The following TXLNB variants were observed in gnomAD, a reference collection of about 807,000 sequenced individuals.
TXLNB encodes the protein taxilin beta.
In TXLNB, 37 loss-of-function variants were observed where a neutral mutation model predicts 57.4. The ratio of observed to expected loss-of-function variants is 0.64; its 90% CI spans 0.50 to 0.85. TXLNB has a LOEUF of 0.85. Ranked by LOEUF, TXLNB falls within the 40% of genes least tolerant of loss-of-function variation. TXLNB has a pLI of 0.00. For synonymous variants in TXLNB, 302 were observed against 309.6 expected (o/e 0.98, Z 0.26); for missense variants, 848 against 825.6 (o/e 1.03, Z -0.33).
chr6:139,190,763 CTGT>C, the TXLNB span, among the ~76,000 whole-genome samples: 1 of 152,152 alleles, frequency 6.6e-6, no homozygotes, highest in Non-Finnish European at 1.5e-5. Context: ...CCCACCCCTT[CTGT>C]TGTTTTTTGC....
the TXLNB span, chr6:139,166,478 G>A: frequency 6.2e-7 from 1 of 1,614,072 alleles, no homozygotes; most frequent in Admixed American, 1.7e-5. Flanking sequence ...CAGCTGGAAC[G>A]AGAAGCAATG....
At chr6:139,289,326 C>T (rs930770075) in intron 1 of TXLNB, among the ~76,000 whole-genome samples, 25 of 141,940 alleles carry the variant, frequency 1.8e-4, no homozygotes, top group Non-Finnish European at 3.8e-4. Flanking sequence ...CCCCCAGTCA[C>T]GTACCCCCTG....
chr6:139,248,540 C>A (rs1776122155), intron 7 of TXLNB, among the ~76,000 whole-genome samples: 1 of 151,996 alleles, frequency 6.6e-6, no homozygotes. Flanking sequence ...TATGTTATTT[C>A]ATTATATTAA....
chr6:139,164,380 T>C, the TXLNB span, among the ~76,000 whole-genome samples: 7 of 151,360 alleles, frequency 4.6e-5, no homozygotes, highest in African/African-American at 1.5e-4. Flanking sequence ...GGGGGTATCA[T>C]GATGGGGAAG....
chr6:139,185,127 T>C, the TXLNB span, among the ~76,000 whole-genome samples: 1 of 152,090 alleles, frequency 6.6e-6, no homozygotes, highest in African/African-American at 2.4e-5. Flanking sequence ...CCCATGGTTC[T>C]GAAAAGAGAA....
At chr6:139,322,039 C>T in the TXLNB span, among the ~76,000 whole-genome samples, 2 of 151,984 alleles carry the variant, frequency 1.3e-5, no homozygotes, top group Non-Finnish European at 1.5e-5. Context: ...TTCACAGGCA[C>T]CATCATAGCA....
At chr6:139,316,341 T>A in the TXLNB span, among the ~76,000 whole-genome samples, 1 of 151,674 alleles carries the variant, frequency 6.6e-6, no homozygotes, top group Non-Finnish European at 1.5e-5. Context: ...TGATCAGGTT[T>A]CTTATCCCTC....
At chr6:139,229,991 C>T in the TXLNB span, among the ~76,000 whole-genome samples, 1 of 152,128 alleles carries the variant, frequency 6.6e-6, no homozygotes, top group Non-Finnish European at 1.5e-5. Context: ...ACTATATTCT[C>T]CCAATCTATC....
chr6:139,323,340 T>C, the TXLNB span, among the ~76,000 whole-genome samples: 1 of 149,602 alleles, frequency 6.7e-6, no homozygotes, highest in Non-Finnish European at 1.5e-5. Context: ...TGGAGTGCAA[T>C]GGCATGATCA....
At chr6:139,286,291 G>A in intron 2 of TXLNB, among the ~76,000 whole-genome samples, 1 of 149,848 alleles carries the variant, frequency 6.7e-6, no homozygotes, top group Non-Finnish European at 1.5e-5. Flanking sequence ...CTAGGTTCTA[G>A]CTTCTCTATG....
In TXLNB at chr6:139,276,890, C is replaced by G. The variant is rs765315957; in HGVS notation, c.456G>C (p.Leu152=). Residue 152 remains leucine, a synonymous_variant, in exon 3 of 10, where the codon CTG becomes CTC. Transcript: ENST00000358430. Reference sequence around the variant, plus strand: ...TTTCTTCCGGTGTTTGCAACTTGTTCAGATTTTGCATTAGCAGGTTGGCTT... The same window carrying G: ...TTTCTTCCGGTGTTTGCAACTTGTTGAGATTTTGCATTAGCAGGTTGGCTT... The part of the protein sequence containing the change: ...GKEANLLMQN[L]NKLQTPEEKF... 2 of 1,595,164 alleles carry G rather than the reference C, an allele frequency of 1.3e-6. No homozygotes were observed. The highest frequency in any genetic ancestry group is 1.7e-6 in the Non-Finnish European group (2 of 1,174,528).
chr6:139,302,673 C>T, the TXLNB span, among the ~76,000 whole-genome samples: 144 of 149,734 alleles, frequency 9.6e-4, no homozygotes, highest in Middle Eastern at 6.9e-3. Flanking sequence ...TGAATAGCTA[C>T]GAGGGAGGCT....
chr6:139,251,393 CTCTG>C (rs1366929118), intron 7 of TXLNB: 4 of 152,218 alleles, frequency 2.6e-5, no homozygotes, highest in African/African-American at 9.6e-5. Flanking sequence ...TATTTGACCT[CTCTG>C]TCTGGTGGCA....
chr6:139,256,707 GAACT>G (rs1776352603), intron 6 of TXLNB, among the ~76,000 whole-genome samples: 1 of 152,222 alleles, frequency 6.6e-6, no homozygotes, highest in African/African-American at 2.4e-5. Flanking sequence ...GATACAATAA[GAACT>G]ATGTATGTCC....
intron 4 of TXLNB, among the ~76,000 whole-genome samples, chr6:139,270,192 G>A (rs893762641): frequency 1.3e-5 from 2 of 152,128 alleles, no homozygotes; most frequent in Non-Finnish European, 2.9e-5. Flanking sequence ...ACTGTGTCAG[G>A]TACTGTGCGG....
Position 139,270,620 on chromosome 6 carries a change from C to T in TXLNB, c.523G>A (p.Glu175Lys), listed in dbSNP as rs938159216. 5.0e-6 allele frequency: 8 copies of T among 1,613,806 alleles called. No individual in the cohort carries two copies. In the African/African-American group the frequency reaches 1.1e-4, roughly 22 times the overall value. The stretch of plus-strand genomic sequence containing the variant: ...AACTTCTTTTGCTCAGTACGATGTT[C>T]ATCCAGCTGTACACATGGAGATACA... ...LFKKYAELLD[E>K]HRTEQKKLKL... The change falls in exon 4 of 10, where the codon GAA (glutamate) becomes AAA (lysine). Residue 175 changes from glutamate (E) to lysine (K), a missense_variant. Physicochemically the swap from Glu to Lys is moderately conservative, Grantham distance 56. Coordinates refer to ENST00000358430, the MANE Select transcript of TXLNB (RefSeq NM_153235.4).
chr6:139,290,104 G>A (rs1777271035), intron 1 of TXLNB, among the ~76,000 whole-genome samples: 1 of 152,112 alleles, frequency 6.6e-6, no homozygotes. Context: ...ATGGAAACAC[G>A]GGCCAGGTGC....
At chr6:139,196,738 A>T in the TXLNB span, among the ~76,000 whole-genome samples, 1 of 152,190 alleles carries the variant, frequency 6.6e-6, no homozygotes, top group Non-Finnish European at 1.5e-5. Flanking sequence ...AATGTCCCTT[A>T]TAGTCAATTA....
the TXLNB span, chr6:139,176,822 T>G: frequency 7.5e-6 from 5 of 663,546 alleles, no homozygotes; most frequent in East Asian, 1.4e-4. The surrounding 1 kb of genome is among the most constrained non-coding windows in gnomAD (Gnocchi z 4.5). Context: ...ATGTTTTTGG[T>G]AGTAAAAGGG....
Sources: allele counts gnomAD v4.1 joint callset (sites outside exome capture counted in the v4.1 genomes callset), GRCh38; gene constraint gnomAD v4.1.1; non-coding constraint Gnocchi (gnomAD v3.1); transcripts MANE v1.5; gene names NCBI Gene and HGNC (gene_info 2026-07-23, HGNC 2026-07-21).